Variants in TRPM3 observed in about 807,000 individuals in gnomAD.
The protein encoded by TRPM3 is transient receptor potential cation channel subfamily M member 3.
A neutral mutation model predicts 181.2 loss-of-function variants in TRPM3; 77 were observed. That is an observed-to-expected ratio of 0.42 (90% CI 0.35 to 0.51). The LOEUF is 0.51. Ranked by LOEUF, TRPM3 falls within the 20% of genes least tolerant of loss-of-function variation. The pLI, the probability that TRPM3 is intolerant of heterozygous loss-of-function variation, is 0.01. For synonymous variants in TRPM3, 745 were observed against 796.4 expected (o/e 0.94, Z 1.09); for missense variants, 1,759 against 2,196.7 (o/e 0.80, Z 3.98).
chr9:70,805,052 C>T (rs1201943793), intron 6 of TRPM3, among the ~76,000 whole-genome samples: 1 of 152,142 alleles, frequency 6.6e-6, no homozygotes, highest in African/African-American at 2.4e-5. Flanking sequence ...TTGCAGAGAT[C>T]AAGCAAGCTT....
At chr9:70,616,443 TTTA>T (rs1459896361) in intron 17 of TRPM3, among the ~76,000 whole-genome samples, 2 of 151,752 alleles carry the variant, frequency 1.3e-5, no homozygotes, top group African/African-American at 4.8e-5. Context: ...AGAATTCAGA[TTTA>T]CATTTAGCCA....
At chr9:71,425,035 T>C (rs112510923) in intron 1 of TRPM3, among the ~76,000 whole-genome samples, 13 of 152,046 alleles carry the variant, frequency 8.6e-5, no homozygotes, top group African/African-American at 2.4e-4. Flanking sequence ...TTCAACCCTC[T>C]TAATCACTTT....
chr9:71,301,952 T>G (rs1335343556), intron 1 of TRPM3, among the ~76,000 whole-genome samples: 1 of 152,148 alleles, frequency 6.6e-6, no homozygotes, highest in Non-Finnish European at 1.5e-5. Context: ...GAAAATCTGA[T>G]TATCCTCCTT....
At chr9:70,993,805 AGAAAG>A (rs1186110742) in intron 1 of TRPM3, among the ~76,000 whole-genome samples, 1,065 of 28,966 alleles carry the variant, frequency 0.037, 14 homozygotes, top group African/African-American at 0.16. Context: ...AAAAAAAAAA[AGAAAG>A]AAAGAAAGAA....
chr9:70,557,539 G>C (rs1337463302), intron 22 of TRPM3, among the ~76,000 whole-genome samples: 1 of 152,194 alleles, frequency 6.6e-6, no homozygotes, highest in Admixed American at 6.5e-5. Context: ...TGATGAAGAT[G>C]AACTGGTGCC....
intron 1 of TRPM3, among the ~76,000 whole-genome samples, chr9:71,296,723 G>A (rs968749521): frequency 5.3e-5 from 8 of 152,080 alleles, no homozygotes; most frequent in African/African-American, 9.7e-5. Flanking sequence ...GGGAAACGAC[G>A]GACCATTAGA....
chr9:70,897,722 G>A (rs1251953191), intron 1 of TRPM3, among the ~76,000 whole-genome samples: 1 of 152,108 alleles, frequency 6.6e-6, no homozygotes, highest in Non-Finnish European at 1.5e-5. Flanking sequence ...AGGCTTGAAA[G>A]ATTAAAGAAA....
intron 1 of TRPM3, among the ~76,000 whole-genome samples, chr9:71,334,301 G>C (rs2090413147): frequency 6.6e-6 from 1 of 151,664 alleles, no homozygotes; most frequent in Admixed American, 6.6e-5. Flanking sequence ...TAATAAGCAA[G>C]CAGCAGAGGA....
At chr9:70,861,427 A>G (rs2095516542) in intron 3 of TRPM3, among the ~76,000 whole-genome samples, 1 of 152,154 alleles carries the variant, frequency 6.6e-6, no homozygotes, top group Non-Finnish European at 1.5e-5. Context: ...TGATGACCAG[A>G]GGCTTATCAT....
At chr9:71,002,798 C>T (rs1268634584) in intron 1 of TRPM3, among the ~76,000 whole-genome samples, 1 of 152,028 alleles carries the variant, frequency 6.6e-6, no homozygotes, top group Non-Finnish European at 1.5e-5. Flanking sequence ...ATACTTCATT[C>T]CTAAATATTA....
chr9:70,977,104 A>G (rs1156524641), intron 1 of TRPM3, among the ~76,000 whole-genome samples: 1 of 152,128 alleles, frequency 6.6e-6, no homozygotes. Context: ...GTTGGTGGGG[A>G]AAGGGGTGCA....
At chr9:70,993,060 A>G (rs1475972922) in intron 1 of TRPM3, among the ~76,000 whole-genome samples, 3 of 152,314 alleles carry the variant, frequency 2.0e-5, no homozygotes, top group Non-Finnish European at 2.9e-5. Context: ...CCTGGTGTGC[A>G]GTAAGTAAGG....
chr9:70,965,869 A>G (rs1427552184), intron 1 of TRPM3, among the ~76,000 whole-genome samples: 3 of 152,076 alleles, frequency 2.0e-5, no homozygotes, highest in African/African-American at 7.2e-5. Flanking sequence ...AGGAATGGCA[A>G]CAAAAGCAAA....
chr9:71,121,811 G>A (rs754825374), upstream of TRPM3, among the ~76,000 whole-genome samples: 2 of 152,102 alleles, frequency 1.3e-5, no homozygotes, highest in Non-Finnish European at 2.9e-5. Flanking sequence ...GAACTGGTAC[G>A]GGGGGAGGGG....
chr9:70,898,763 AAAAG>A (rs1564715707), intron 1 of TRPM3, among the ~76,000 whole-genome samples: 2 of 141,648 alleles, frequency 1.4e-5, no homozygotes, highest in African/African-American at 5.3e-5. Context: ...AAAAAAAAAA[AAAAG>A]AAAAGAAAAG....
chr9:70,557,912 A>T (rs1044226132), intron 22 of TRPM3, among the ~76,000 whole-genome samples: 3 of 152,116 alleles, frequency 2.0e-5, no homozygotes, highest in African/African-American at 7.2e-5. Flanking sequence ...CCCAGTGTAT[A>T]TTTCCCCATC....
rs771299674 is a variant in TRPM3 at position 70,802,883 on chromosome 9, T to C, written c.974-18604A>G. 2.4e-4 allele frequency among the ~76,000 whole-genome samples: 37 copies of C among 152,162 alleles called. No homozygotes were observed. In the Middle Eastern group the frequency reaches 0.024, roughly 98 times the overall value. On this transcript the variant is annotated intron_variant, in intron 6 of 25. Coordinates refer to ENST00000677713, the MANE Select transcript of TRPM3 (RefSeq NM_001366145.2). ...ATATTTTCTGTGTAGCAGGCTAATT[T>C]ATTGAGCTGTTAATTAATTCAGGTT...
chr9:70,809,237 A>G (rs952545849), intron 6 of TRPM3, among the ~76,000 whole-genome samples: 3 of 152,254 alleles, frequency 2.0e-5, no homozygotes. Context: ...AAAGTTTACA[A>G]AGTAAAAAAG....
chr9:70,899,701 A>G (rs1163733682), intron 1 of TRPM3, among the ~76,000 whole-genome samples: 1 of 152,202 alleles, frequency 6.6e-6, no homozygotes, highest in Admixed American at 6.5e-5. Flanking sequence ...TGCTTAGATC[A>G]TAGTAAGGAT....
Sources: gnomAD v4.1 joint callset for allele counts (sites outside exome capture counted in the v4.1 genomes callset) on GRCh38, gnomAD v4.1.1 for gene constraint, MANE v1.5 for transcripts, NCBI Gene and HGNC (gene_info 2026-07-23, HGNC 2026-07-21) for gene names.